Variants in INIP observed in about 807,000 individuals in gnomAD.
INIP encodes the protein INTS3 and NABP interacting protein, also known as SOSS complex subunit C.
Under a neutral mutation model 14.0 loss-of-function variants are expected in INIP, and 9 were observed. That is an observed-to-expected ratio of 0.64 (90% CI 0.39 to 1.12). The LOEUF is 1.12. Among genes scored for constraint, INIP ranks in the 50% most tolerant of loss-of-function variants. The probability of loss-of-function intolerance (pLI) is 0.01; values close to 1 mark genes in which losing one functional copy is unlikely to be tolerated. For missense variants in INIP, 78 were observed against 122.7 expected, an observed-to-expected ratio of 0.64 and a Z score of 1.72; for synonymous variants, 37 against 41.5, an observed-to-expected ratio of 0.89 and a Z score of 0.41.
chr9:112,695,086 C>A (rs577372404), intron 2 of INIP, among the ~76,000 whole-genome samples: 1 of 152,124 alleles, frequency 6.6e-6, no homozygotes, highest in African/African-American at 2.4e-5. Context: ...TATGCCCCCA[C>A]GGCAACAATT....
intron 3 of INIP, 85 bp downstream of exon 3, chr9:112,694,046 G>T (rs1837987491): frequency 2.3e-6 from 2 of 855,186 alleles, no homozygotes; most frequent in African/African-American, 1.7e-5. Flanking sequence ...TTGCACTCCA[G>T]CCTGGGGGAC....
intron 1 of INIP, 54 bp from the exon 2 acceptor site, chr9:112,716,595 A>G: frequency 1.1e-6 from 1 of 910,208 alleles, no homozygotes; most frequent in Non-Finnish European, 1.8e-6. Flanking sequence ...ATCACAAACT[A>G]AAAGGAACAG....
At chr9:112,706,176 G>C (rs1838462020) in intron 2 of INIP, among the ~76,000 whole-genome samples, 1 of 152,148 alleles carries the variant, frequency 6.6e-6, no homozygotes, top group South Asian at 2.1e-4. Context: ...AGTCAAAATG[G>C]CTTTTATCCA....
intron 3 of INIP, among the ~76,000 whole-genome samples, chr9:112,691,492 A>C (rs1041394242): frequency 1.3e-5 from 2 of 152,168 alleles, no homozygotes; most frequent in Admixed American, 1.3e-4. Flanking sequence ...GACAGACTAG[A>C]GCTGCAAATG....
At chr9:112,717,062 C>A (rs777183509) in intron 1 of INIP, among the ~76,000 whole-genome samples, 1 of 151,984 alleles carries the variant, frequency 6.6e-6, no homozygotes, top group Non-Finnish European at 1.5e-5. Flanking sequence ...TAATTAAATA[C>A]GGCATTGTTT....
At position 112,687,562 on chromosome 9, in the gene INIP, A is replaced by T. The variant is rs2131276135; in HGVS notation, c.291T>A (p.Val97=). 1 of 1,609,388 alleles carries T rather than the reference A, an allele frequency of 6.2e-7. No individual in the cohort carries two copies. Among genetic ancestry groups the T allele is most frequent in the East Asian group, 2.2e-5 (1 of 44,818 alleles). The stretch of plus-strand genomic sequence containing the variant: ...TTCATTCTGGGTCAAGGCGAGGTAA[A>T]ACAGGAAGAATAAGGTTCCCAAATG... ...DSAFGNLILP[V]LPRLDPE is the part of the protein sequence containing the mutation. The change falls in exon 5 of 5, where the codon GTT becomes GTA. Residue 97 remains valine (V), a synonymous_variant. Transcript: ENST00000374242.
At chr9:112,695,822 GAA>G (rs1838067026) in intron 2 of INIP, among the ~76,000 whole-genome samples, 11 of 144,310 alleles carry the variant, frequency 7.6e-5, no homozygotes, top group African/African-American at 2.8e-4. Flanking sequence ...AGAAGAAGGA[GAA>G]GAAGAAGGAG....
At chr9:112,717,554 G>T (rs1172736400) in intron 1 of INIP, among the ~76,000 whole-genome samples, 2 of 151,744 alleles carry the variant, frequency 1.3e-5, no homozygotes, top group African/African-American at 2.4e-5. Flanking sequence ...TAACAAACCC[G>T]CTCTTTAAAA....
intron 2 of INIP, among the ~76,000 whole-genome samples, chr9:112,710,860 GA>G (rs1304600306): frequency 2.0e-5 from 3 of 152,010 alleles, no homozygotes; most frequent in Non-Finnish European, 2.9e-5. Flanking sequence ...AAACAGTACA[GA>G]AATGATTTAC....
chr9:112,716,568 C>A (rs1838824424), intron 1 of INIP, 27 bp from the exon 2 acceptor site: 3 of 1,083,916 alleles, frequency 2.8e-6, no homozygotes, highest in South Asian at 2.5e-5. Flanking sequence ...CACACATATA[C>A]AATGCACCAT....
At chr9:112,689,796 A>G (rs1837815573) in intron 3 of INIP, among the ~76,000 whole-genome samples, 179 bp from the exon 4 acceptor site, 1 of 152,208 alleles carries the variant, frequency 6.6e-6, no homozygotes, top group Non-Finnish European at 1.5e-5. Context: ...TGGTTAAATC[A>G]AGCTAATTAA....
rs1247844368 is a variant in INIP, at chr9:112,718,059, A to C, written c.-129T>G. 1 of 152,658 alleles carries C rather than the reference A, an allele frequency of 6.6e-6. No individual in the cohort carries two copies. The highest frequency in any genetic ancestry group is 1.5e-5 in the Non-Finnish European group (1 of 68,066). 9.5% of individuals were successfully genotyped at this position (152,658 alleles called of 1,614,324 possible). A position where few individuals can be genotyped will look rare whatever the true frequency, so the allele number is the denominator to read the frequency against. ...TTAAAGGGGGCGCGACCACTTAGGCAAGAGGAGCTCAACTCGCGGCACTAC... is the reference window on the plus strand; with the variant it reads ...TTAAAGGGGGCGCGACCACTTAGGCCAGAGGAGCTCAACTCGCGGCACTAC... On this transcript the variant is annotated 5_prime_UTR_variant, in exon 1 of 5. Transcript: ENST00000374242.
chr9:112,714,747 T>C (rs1838752994), intron 2 of INIP, among the ~76,000 whole-genome samples: 1 of 152,232 alleles, frequency 6.6e-6, no homozygotes, highest in East Asian at 1.9e-4. Flanking sequence ...GGATGTTGTA[T>C]ATCTGATCCA....
chr9:112,704,604 T>C (rs1432263507), intron 2 of INIP, among the ~76,000 whole-genome samples: 1 of 152,146 alleles, frequency 6.6e-6, no homozygotes, highest in Non-Finnish European at 1.5e-5. Context: ...TCAACACAGT[T>C]TGGGTAAGCT....
chr9:112,716,335 C>G, intron 2 of INIP, 126 bp downstream of exon 2: 1 of 841,292 alleles, frequency 1.2e-6, no homozygotes, highest in Non-Finnish European at 2.0e-6. Flanking sequence ...AGCCACCGCT[C>G]CCGGCCTGCT....
At chr9:112,702,970 AT>A (rs113411131) in intron 2 of INIP, among the ~76,000 whole-genome samples, 36 of 148,486 alleles carry the variant, frequency 2.4e-4, no homozygotes, top group Non-Finnish European at 2.2e-4. Flanking sequence ...GTTTGTATGA[AT>A]TTTTTTTTTT....
In INIP at chr9:112,717,785, C is replaced by T. The variant is rs571384333; in HGVS notation, c.-57+202G>A. Among the ~76,000 whole-genome samples, 4 of 152,290 alleles carry T rather than the reference C, an allele frequency of 2.6e-5. No homozygotes were observed. In the East Asian group the frequency reaches 7.7e-4, roughly 29 times the overall value. On this transcript the variant is annotated intron_variant, in intron 1 of 4. Transcript: ENST00000374242. ...CTTGTGACAGGGTAGACTGGCGTGC[C>T]AGAAAGGTCCCTGCCTACGGATGTG...
At chr9:112,707,843 GT>G (rs1189848685) in intron 2 of INIP, among the ~76,000 whole-genome samples, 10 of 152,140 alleles carry the variant, frequency 6.6e-5, no homozygotes, top group African/African-American at 2.4e-4. Flanking sequence ...AGACACCTAT[GT>G]TTAGTACTAG....
chr9:112,700,391 G>C (rs1186018179), intron 2 of INIP, among the ~76,000 whole-genome samples: 2 of 151,798 alleles, frequency 1.3e-5, no homozygotes, highest in African/African-American at 4.8e-5. Context: ...GGGGTGCTAG[G>C]ATGCCATGGT....
Sources: gnomAD v4.1 joint callset for allele counts (sites outside exome capture counted in the v4.1 genomes callset) on GRCh38, gnomAD v4.1.1 for gene constraint, MANE v1.5 for transcripts, NCBI Gene and HGNC (gene_info 2026-07-23, HGNC 2026-07-21) for gene names.